Variants in SLC38A10 observed in about 807,000 individuals in gnomAD.
The protein encoded by SLC38A10 is Sodium-coupled neutral amino acid transporter 10.
Under a neutral mutation model 81.0 loss-of-function variants are expected in SLC38A10, and 53 were observed. The observed-to-expected ratio is 0.65, with a 90% CI of 0.53 to 0.82. The LOEUF is 0.82. SLC38A10 is among the 40% of genes least tolerant of loss of function. The probability of loss-of-function intolerance (pLI) is 0.00; values close to 1 mark genes in which losing one functional copy is unlikely to be tolerated. For synonymous variants in SLC38A10, 665 were observed against 655.3 expected (o/e 1.01, Z -0.23); for missense variants, 1,471 against 1,545.0 (o/e 0.95, Z 0.80).
rs960938326 is a variant in SLC38A10, at chr17:81,245,262, C to T, written c.*294G>A. 7 of 359,396 alleles carry T rather than the reference C, an allele frequency of 1.9e-5. No homozygotes were observed. The highest frequency in any genetic ancestry group is 1.3e-4 in the African/African-American group (6 of 47,086). 22.3% of individuals were successfully genotyped at this position (359,396 alleles called of 1,614,324 possible). The stretch of plus-strand genomic sequence containing the variant: ...GCTCCCCAGCCTGAGCCTGGGAGTG[C>T]ACCAGCCAGCTCGCAGCGGAGGCCG... On this transcript the variant is annotated 3_prime_UTR_variant, in exon 16 of 16. Transcript: ENST00000374759.
At chr17:81,266,348 G>A (rs1187897561) in intron 10 of SLC38A10, among the ~76,000 whole-genome samples, 9 of 152,312 alleles carry the variant, frequency 5.9e-5, no homozygotes, top group African/African-American at 9.6e-5. Context: ...GGCCGGACGC[G>A]GTGGCTCACG....
chr17:81,248,037 A>T (rs1208859226), intron 14 of SLC38A10, among the ~76,000 whole-genome samples: 1 of 139,058 alleles, frequency 7.2e-6, no homozygotes, highest in Non-Finnish European at 1.5e-5. Flanking sequence ...AGCTCACTGC[A>T]AGCTCCGCCT....
chr17:81,254,735 C>T (rs1305523408), intron 11 of SLC38A10, among the ~76,000 whole-genome samples: 7 of 152,196 alleles, frequency 4.6e-5, no homozygotes, highest in African/African-American at 1.7e-4. Flanking sequence ...CGTGAGCCAC[C>T]GCGCCTGGCC....
chr17:81,283,512 G>T lies in SLC38A10; in HGVS notation c.264-10C>A. 1.2e-6 allele frequency: 2 copies of T among 1,603,666 alleles called. No individual in the cohort carries two copies. Among genetic ancestry groups the T allele is most frequent in the East Asian group, 4.5e-5 (2 of 44,292 alleles). ...CATCAGCCCGATCATGCTGCACAGG[G>T]ACGGGGGGTACGGGAAATGCCATCA... On this transcript the variant is annotated splice_polypyrimidine_tract_variant and intron_variant, in intron 3 of 15. Transcript: ENST00000374759. This position sits in a 1 kb window ranked among gnomAD's most constrained non-coding sequence, Gnocchi z 4.7.
At chr17:81,290,817 C>A (rs557991349) in intron 1 of SLC38A10, among the ~76,000 whole-genome samples, 1 of 151,986 alleles carries the variant, frequency 6.6e-6, no homozygotes. Flanking sequence ...ACCCTCCTGG[C>A]CAACATGGTG....
chr17:81,250,800 C>A, intron 14 of SLC38A10: 1 of 994,532 alleles, frequency 1.0e-6, no homozygotes, highest in Middle Eastern at 5.1e-4. Context: ...GGGGCTGCTG[C>A]TACCCAACTG....
chr17:81,268,766 T>G (rs900004602), intron 10 of SLC38A10, among the ~76,000 whole-genome samples: 2 of 139,840 alleles, frequency 1.4e-5, no homozygotes, highest in African/African-American at 5.6e-5. Context: ...AGACAAATAA[T>G]AGGACATAAG....
intron 14 of SLC38A10, chr17:81,247,427 A>G (rs1262033341): frequency 1.0e-5 from 2 of 200,400 alleles, no homozygotes; most frequent in Non-Finnish European, 1.0e-5. Context: ...CCAGAGCAAC[A>G]GTCAAAAGGA....
intron 2 of SLC38A10, 86 bp from the exon 3 acceptor site, chr17:81,284,981 G>T: frequency 7.9e-7 from 1 of 1,267,672 alleles, no homozygotes; most frequent in South Asian, 1.6e-5. Flanking sequence ...TGTCAAGGGC[G>T]ATTTCACAGA....
rs1460269485 is a variant in SLC38A10, at chr17:81,289,684, G to A, written c.217+7C>T. 4 of 1,601,110 alleles carry A rather than the reference G, an allele frequency of 2.5e-6. No homozygotes were observed. The highest frequency in any genetic ancestry group is 2.0e-4 in the Middle Eastern group (1 of 4,962). Reference sequence around the variant, plus strand: ...TCCAGAGCCACCTTGTGGAGAGGGCGCCTCACCCAGGCCGGCGTAGGTCCT... The same window carrying A: ...TCCAGAGCCACCTTGTGGAGAGGGCACCTCACCCAGGCCGGCGTAGGTCCT... On this transcript the variant is annotated splice_region_variant and intron_variant, in intron 2 of 15. Coordinates refer to ENST00000374759, the MANE Select transcript of SLC38A10 (RefSeq NM_001037984.3). This position sits in a 1 kb window ranked among gnomAD's most constrained non-coding sequence, Gnocchi z 5.9.
At chr17:81,269,445 A>C (rs2063095978) in intron 10 of SLC38A10, among the ~76,000 whole-genome samples, 2 of 151,960 alleles carry the variant, frequency 1.3e-5, no homozygotes, top group Admixed American at 1.3e-4. Context: ...CCCAGGAGGC[A>C]GAAGTTGCAG....
At position 81,265,719 on chromosome 17, in the gene SLC38A10, G is replaced by A. The variant is rs937040672; in HGVS notation, c.1131+5199C>T. Among the ~76,000 whole-genome samples, 1 of 152,232 alleles carries A rather than the reference G, an allele frequency of 6.6e-6. No homozygotes were observed. Among genetic ancestry groups the A allele is most frequent in the Admixed American group, 6.5e-5 (1 of 15,286 alleles). On this transcript the variant is annotated intron_variant, in intron 10 of 15. Transcript: ENST00000374759. The surrounding 1 kb of genome is among the most constrained non-coding windows in gnomAD (Gnocchi z 4.2). ...CCGGAGCCCCTGGGACAGTGGCCAC[G>A]CCGAGATGTGGCGCCACAGGCCCAG... is the stretch of plus-strand genomic sequence containing the variant.
At chr17:81,247,272 G>A (rs2062861235) in intron 14 of SLC38A10, 5 of 448,796 alleles carry the variant, frequency 1.1e-5, no homozygotes, top group South Asian at 6.9e-5. Flanking sequence ...GAGAGGCTGC[G>A]CCCTGACTGC....
chr17:81,264,999 C>T (rs1376648574), intron 10 of SLC38A10: 2 of 152,324 alleles, frequency 1.3e-5, no homozygotes, highest in Non-Finnish European at 2.9e-5. Flanking sequence ...CCTGCTGCTA[C>T]ACTCCCTCAT....
chr17:81,256,986 G>A (rs1478090392), intron 11 of SLC38A10, among the ~76,000 whole-genome samples: 1 of 152,236 alleles, frequency 6.6e-6, no homozygotes, highest in African/African-American at 2.4e-5. Flanking sequence ...TCTCCTGGGA[G>A]GCGGGAGAGG....
chr17:81,280,701 G>A lies in SLC38A10; in HGVS notation c.534C>T (p.Phe178=). ...TGACCCGCCGCAGCCACTGCCCACT[G>A]AAGAGGCCGTGCTTGAGAGAGGAGA... ...IVLSSLKHGL[F]SGQWLRRVSY... The change falls in exon 6 of 16, where the codon TTC becomes TTT. Residue 178 remains phenylalanine (F), a synonymous_variant. Coordinates refer to ENST00000374759, the MANE Select transcript of SLC38A10 (RefSeq NM_001037984.3). 7 of 1,613,758 alleles carry A rather than the reference G, an allele frequency of 4.3e-6. No homozygotes were observed. The highest frequency in any genetic ancestry group is 1.1e-5 in the South Asian group (1 of 91,066).
intron 6 of SLC38A10, chr17:81,280,090 C>T (rs1483603348): frequency 6.5e-5 from 29 of 444,392 alleles, no homozygotes; most frequent in South Asian, 3.9e-4. Flanking sequence ...GAATCACTCG[C>T]TCTTGTCATT....
At position 81,246,332 on chromosome 17, in the gene SLC38A10, C is replaced by G; in HGVS notation, c.2584G>C (p.Asp862His). The change falls in exon 16 of 16, where the codon GAC becomes CAC. Residue 862 changes from aspartate to histidine, a missense_variant. Physicochemically the swap from Asp to His is moderately conservative, Grantham distance 81. Transcript: ENST00000374759. ...GGGCCCCCGGCTTCCCTGGCGGGGT[C>G]TGGCACGGGCACCTGCTCCGGGCCC... Reference protein sequence around the residue: ...PKGPEQVPVPDPAREAGGPEE... With the variant: ...PKGPEQVPVPHPAREAGGPEE... 1 of 1,608,584 alleles carries G rather than the reference C, an allele frequency of 6.2e-7. No homozygotes were observed. Among genetic ancestry groups the G allele is most frequent in the South Asian group, 1.1e-5 (1 of 91,034 alleles).
At chr17:81,280,186 C>T (rs762606447) in intron 6 of SLC38A10, 10 of 450,870 alleles carry the variant, frequency 2.2e-5, no homozygotes, top group Admixed American at 1.2e-4. Context: ...AAAGCAGGCT[C>T]GCGCGCACAT....
Sources: gnomAD v4.1 joint callset for allele counts (sites outside exome capture counted in the v4.1 genomes callset) on GRCh38, gnomAD v4.1.1 for gene constraint, Gnocchi (gnomAD v3.1) non-coding constraint, MANE v1.5 for transcripts, NCBI Gene and HGNC (gene_info 2026-07-23, HGNC 2026-07-21) for gene names.